The following RNF145 variants were observed in gnomAD, a reference collection of about 807,000 sequenced individuals.
RNF145 encodes the protein ring finger protein 145.
A neutral mutation model predicts 57.3 loss-of-function variants in RNF145; 12 were observed. That is an observed-to-expected ratio of 0.21 (90% CI 0.13 to 0.34). The LOEUF (loss-of-function observed/expected upper bound fraction) is 0.34, where lower values mean the gene tolerates loss of function less well. Ranked by LOEUF, RNF145 falls within the 10% of genes least tolerant of loss-of-function variation. RNF145 has a pLI of 1.00. For missense variants in RNF145, 429 were observed against 799.0 expected (o/e 0.54, Z 5.58); for synonymous variants, 262 against 288.3 (o/e 0.91, Z 0.92).
At chr5:159,161,646 G>GT in intron 9 of RNF145, 24 bp from the exon 10 acceptor site, 2 of 1,272,680 alleles carry the variant, frequency 1.6e-6, no homozygotes, top group Non-Finnish European at 2.2e-6. Context: ...AAAAATGTAC[G>GT]TATCTTGAAA....
At chr5:159,165,092 T>C (rs1784349161) in intron 8 of RNF145, among the ~76,000 whole-genome samples, 1 of 152,242 alleles carries the variant, frequency 6.6e-6, no homozygotes, top group South Asian at 2.1e-4. Context: ...TGTCATCATT[T>C]GTCTGTGCAT....
At chr5:159,179,827 T>C (rs1332620904) in intron 4 of RNF145, among the ~76,000 whole-genome samples, 1 of 152,088 alleles carries the variant, frequency 6.6e-6, no homozygotes, top group African/African-American at 2.4e-5. Flanking sequence ...CTAGATAAAA[T>C]CCAAGGCAAG....
Position 159,158,582 on chromosome 5 carries a change from A to G in RNF145, c.*88T>C. 1.4e-6 allele frequency: 2 copies of G among 1,474,418 alleles called. No individual in the cohort carries two copies. The highest frequency in any genetic ancestry group is 1.8e-6 in the Non-Finnish European group (2 of 1,094,398). The allele number at this position is 1,474,418 out of a possible 1,614,324, so 91.3% of individuals were successfully genotyped here. A position where few individuals can be genotyped will look rare whatever the true frequency, so the allele number is the denominator to read the frequency against. On this transcript the variant is annotated 3_prime_UTR_variant, in exon 11 of 11. Coordinates refer to ENST00000424310, the MANE Select transcript of RNF145 (RefSeq NM_001199383.2). Reference sequence around the variant, plus strand: ...TGTCAGTTTCCTGCCTGATCATCTCATTTTCATTCCTCAAATCAGAACATG... The same window carrying G: ...TGTCAGTTTCCTGCCTGATCATCTCGTTTTCATTCCTCAAATCAGAACATG...
chr5:159,205,125 A>G (rs1034368919), intron 1 of RNF145, among the ~76,000 whole-genome samples: 5 of 152,154 alleles, frequency 3.3e-5, no homozygotes, highest in Admixed American at 6.6e-5. Flanking sequence ...CACTATCAAT[A>G]AAAGCTTTTC....
At chr5:159,183,984 C>T (rs754812704) in intron 3 of RNF145, among the ~76,000 whole-genome samples, 43 of 152,232 alleles carry the variant, frequency 2.8e-4, no homozygotes, top group Admixed American at 2.2e-3. Flanking sequence ...TTATGTTATA[C>T]GAATTTTACA....
rs776544146 is a variant in RNF145 at position 159,207,880 on chromosome 5, A to T, written c.-40+1351T>A. 11 of 1,613,910 alleles carry T rather than the reference A, an allele frequency of 6.8e-6. No homozygotes were observed. The South Asian group carries it at 9.9e-5, about 14-fold the overall frequency. On this transcript the variant is annotated intron_variant, in intron 1 of 10. Coordinates refer to ENST00000424310, the MANE Select transcript of RNF145 (RefSeq NM_001199383.2). ...TTAAGGAACAGAGAGAGGAAATAAA[A>T]CTGCTACCTCTGCCATCGGCCGCTC...
chr5:159,180,832 G>GC (rs1265874513), intron 4 of RNF145, among the ~76,000 whole-genome samples: 1 of 152,034 alleles, frequency 6.6e-6, no homozygotes, highest in Admixed American at 6.6e-5. Context: ...TCACCACACT[G>GC]CAAGTGCTAA....
intron 3 of RNF145, among the ~76,000 whole-genome samples, chr5:159,193,738 T>C (rs1040334066): frequency 2.0e-5 from 3 of 152,192 alleles, no homozygotes; most frequent in Non-Finnish European, 1.5e-5. Context: ...TTTTAAAAAC[T>C]CAACAATGTA....
intron 3 of RNF145, among the ~76,000 whole-genome samples, chr5:159,182,399 T>C (rs1784922687): frequency 6.6e-6 from 1 of 152,080 alleles, no homozygotes; most frequent in African/African-American, 2.4e-5. Context: ...TCTAGTGATA[T>C]TACACTAAAC....
At chr5:159,186,969 C>G in intron 3 of RNF145, among the ~76,000 whole-genome samples, 1 of 144,296 alleles carries the variant, frequency 6.9e-6, no homozygotes, top group East Asian at 2.1e-4. Context: ...GGCAACAGAG[C>G]AAGACTCCGT....
intron 8 of RNF145, among the ~76,000 whole-genome samples, chr5:159,163,446 C>T (rs10515775): frequency 0.1 from 15,435 of 152,138 alleles, 1,085 homozygotes; most frequent in East Asian, 0.35. Flanking sequence ...TGGTCTTTTT[C>T]AAATCTTATG....
chr5:159,195,325 T>A (rs1345177331), intron 2 of RNF145, among the ~76,000 whole-genome samples: 1 of 151,998 alleles, frequency 6.6e-6, no homozygotes, highest in Non-Finnish European at 1.5e-5. Context: ...CTTTTACCCA[T>A]CTTGAGAAAA....
intron 2 of RNF145, among the ~76,000 whole-genome samples, chr5:159,197,560 C>T (rs973978057): frequency 6.6e-6 from 1 of 152,006 alleles, no homozygotes; most frequent in Non-Finnish European, 1.5e-5. Flanking sequence ...CTTTGAGAGA[C>T]AATGAATACT....
upstream of RNF145, chr5:159,209,589 CGCGCGGCCCAGCCA>C: frequency 1.9e-6 from 2 of 1,033,780 alleles, no homozygotes; most frequent in Non-Finnish European, 2.3e-6. Context: ...TCTGCGCCTG[CGCGCGGCCCAGCCA>C]GCGCGGCGCG....
intron 6 of RNF145, among the ~76,000 whole-genome samples, chr5:159,173,013 A>G (rs1376691399): frequency 6.6e-6 from 1 of 152,240 alleles, no homozygotes; most frequent in Non-Finnish European, 1.5e-5. Context: ...AGTGGAAAAA[A>G]TAACAAATGT....
At chr5:159,163,761 T>A (rs1369583510) in intron 8 of RNF145, among the ~76,000 whole-genome samples, 2 of 152,214 alleles carry the variant, frequency 1.3e-5, no homozygotes, top group Non-Finnish European at 2.9e-5. Flanking sequence ...GGTCCTCCAC[T>A]CCTAATTTTT....
At chr5:159,185,581 G>A (rs1283932405) in intron 3 of RNF145, among the ~76,000 whole-genome samples, 2 of 152,150 alleles carry the variant, frequency 1.3e-5, no homozygotes, top group African/African-American at 4.8e-5. Context: ...AAAATTCCAT[G>A]AGTCATTTTA....
At chr5:159,173,866 CA>C (rs1164783741) in intron 6 of RNF145, 116 bp downstream of exon 6, 4 of 703,604 alleles carry the variant, frequency 5.7e-6, no homozygotes, top group Non-Finnish European at 4.4e-6. Context: ...CCTATCTTAA[CA>C]AAATACGAAG....
chr5:159,204,266 C>T (rs17720456), intron 1 of RNF145, among the ~76,000 whole-genome samples: 2,708 of 152,040 alleles, frequency 0.018, 29 homozygotes, highest in Non-Finnish European at 0.027. Context: ...TCTAAAATTC[C>T]CATAATCTGC....
Sources: allele counts gnomAD v4.1 joint callset (sites outside exome capture counted in the v4.1 genomes callset), GRCh38; gene constraint gnomAD v4.1.1; transcripts MANE v1.5; gene names NCBI Gene and HGNC (gene_info 2026-07-23, HGNC 2026-07-21).